ADTRP: variants seen among roughly 807,000 people sequenced by gnomAD.
ADTRP encodes the protein androgen dependent TFPI regulating protein, also known as androgen-dependent TFPI-regulating protein.
In ADTRP, 20 loss-of-function variants were observed where a neutral mutation model predicts 27.0. The observed-to-expected ratio is 0.74, with a 90% confidence interval of 0.52 to 1.08. The LOEUF (loss-of-function observed/expected upper bound fraction) is 1.08. Among genes scored for constraint, ADTRP ranks in the 50% least tolerant of loss-of-function variants. The pLI, the probability that ADTRP is intolerant of heterozygous loss-of-function variation, is 0.00. For missense variants in ADTRP, 251 were observed against 275.0 expected, an observed-to-expected ratio of 0.91 and a Z score of 0.62; for synonymous variants, 101 against 105.2, an observed-to-expected ratio of 0.96 and a Z score of 0.25.
chr6:11,731,395 C>T (rs1762374930), intron 4 of ADTRP, among the ~76,000 whole-genome samples: 1 of 152,182 alleles, frequency 6.6e-6, no homozygotes, highest in Non-Finnish European at 1.5e-5. Context: ...ATACTGCTCA[C>T]CCTTGCTTCC....
At chr6:11,715,648 CTTTTTT>C (rs55815652) in intron 5 of ADTRP, among the ~76,000 whole-genome samples, 57,164 of 121,298 alleles carry the variant, frequency 0.47, 13,203 homozygotes, top group Non-Finnish European at 0.57. Context: ...CTGTTTTTCC[CTTTTTT>C]TTTTTTTTTT....
chr6:11,760,760 TG>T (rs1219430294), intron 3 of ADTRP, among the ~76,000 whole-genome samples: 2 of 152,222 alleles, frequency 1.3e-5, no homozygotes, highest in Non-Finnish European at 2.9e-5. Context: ...CGTGCCTAAA[TG>T]GAACAATTGA....
intron 1 of ADTRP, among the ~76,000 whole-genome samples, chr6:11,768,694 C>T (rs939671639): frequency 6.6e-6 from 1 of 152,058 alleles, no homozygotes; most frequent in African/African-American, 2.4e-5. Flanking sequence ...AGATGGATAC[C>T]TTGACGGCAC....
intron 1 of ADTRP, among the ~76,000 whole-genome samples, chr6:11,769,500 A>G (rs1763694386): frequency 1.3e-5 from 2 of 152,010 alleles, no homozygotes; most frequent in Admixed American, 1.3e-4. Flanking sequence ...GAAATGCAGG[A>G]CCTCCATCCT....
intron 3 of ADTRP, among the ~76,000 whole-genome samples, chr6:11,765,920 C>T (rs1241132184): frequency 1.3e-5 from 2 of 151,402 alleles, no homozygotes; most frequent in African/African-American, 4.9e-5. Context: ...TTGGGGTGGG[C>T]TTTTTTTTTA....
chr6:11,764,298 CTATT>C (rs1365298132), intron 3 of ADTRP, among the ~76,000 whole-genome samples: 1 of 152,194 alleles, frequency 6.6e-6, no homozygotes, highest in African/African-American at 2.4e-5. Flanking sequence ...ATCATCATAA[CTATT>C]TGAAAGAAAT....
chr6:11,778,579 G>T (rs373948321), intron 1 of ADTRP, 28 bp downstream of exon 1: 15 of 1,602,328 alleles, frequency 9.4e-6, no homozygotes, highest in Admixed American at 8.4e-5. Flanking sequence ...GAAATGGATC[G>T]GTTCCTGGTA....
At chr6:11,727,388 G>C (rs1762243431) in intron 4 of ADTRP, among the ~76,000 whole-genome samples, 1 of 152,108 alleles carries the variant, frequency 6.6e-6, no homozygotes, top group African/African-American at 2.4e-5. Flanking sequence ...TACCTGCATG[G>C]CTACTTCTCA....
At chr6:11,720,830 G>C (rs994226478) in intron 5 of ADTRP, among the ~76,000 whole-genome samples, 5 of 152,002 alleles carry the variant, frequency 3.3e-5, no homozygotes, top group Non-Finnish European at 5.9e-5. Context: ...TAAACTCCCT[G>C]CCCAATACTC....
At position 11,754,780 on chromosome 6, in the gene ADTRP, G is replaced by A. The variant is rs553182014; in HGVS notation, c.390+11494C>T. Among the ~76,000 whole-genome samples the A allele has an allele frequency of 3.8e-4, 58 of 152,304 alleles. 1 individual carries two copies. Among genetic ancestry groups the A allele is most frequent in the Admixed American group, 9.1e-4 (14 of 15,302 alleles). ...AGGACGGAACTCCACAGCCTACAGCGTGTCTGCCTCTGGGGTTATTAAGCA... is the reference window on the plus strand; with the variant it reads ...AGGACGGAACTCCACAGCCTACAGCATGTCTGCCTCTGGGGTTATTAAGCA... On this transcript the variant is annotated intron_variant, in intron 3 of 5. Transcript: ENST00000414691.
chr6:11,747,154 T>C (rs1055410762), intron 3 of ADTRP, among the ~76,000 whole-genome samples: 9 of 152,216 alleles, frequency 5.9e-5, no homozygotes, highest in African/African-American at 1.7e-4. Flanking sequence ...TTCCTTATCA[T>C]GGTCTTCTCA....
intron 2 of ADTRP, among the ~76,000 whole-genome samples, chr6:11,768,014 G>A (rs1020074764): frequency 1.3e-5 from 2 of 152,186 alleles, no homozygotes; most frequent in African/African-American, 4.8e-5. Flanking sequence ...ACGGCAATAA[G>A]GACCTTGTAC....
At chr6:11,760,628 T>C (rs1353692394) in intron 3 of ADTRP, among the ~76,000 whole-genome samples, 2 of 152,186 alleles carry the variant, frequency 1.3e-5, no homozygotes, top group East Asian at 3.8e-4. Flanking sequence ...ATAATGAAGA[T>C]AATCAGATGT....
At chr6:11,737,320 C>T (rs1275757403) in intron 3 of ADTRP, among the ~76,000 whole-genome samples, 2 of 152,150 alleles carry the variant, frequency 1.3e-5, no homozygotes, top group Non-Finnish European at 2.9e-5. Context: ...CACCTGCAAG[C>T]TCCCGCCCCA....
chr6:11,740,585 C>T (rs971146413), intron 3 of ADTRP, among the ~76,000 whole-genome samples: 9 of 152,216 alleles, frequency 5.9e-5, no homozygotes, highest in South Asian at 4.1e-4. Flanking sequence ...AAATTGCATG[C>T]GATAAAGGCA....
At chr6:11,735,916 G>C (rs1339082261) in intron 3 of ADTRP, 2 of 429,180 alleles carry the variant, frequency 4.7e-6, no homozygotes, top group African/African-American at 4.0e-5. Flanking sequence ...CCCTCTCTCT[G>C]GTCCTGCTTA....
chr6:11,723,620 G>A (rs962998412), intron 4 of ADTRP, 120 bp from the exon 5 acceptor site: 1 of 1,140,636 alleles, frequency 8.8e-7, no homozygotes, highest in Non-Finnish European at 1.3e-6. Flanking sequence ...AGGGACGTTT[G>A]TCAACAGCTG....
intron 1 of ADTRP, among the ~76,000 whole-genome samples, chr6:11,771,862 C>A (rs983912860): frequency 1.3e-5 from 2 of 152,164 alleles, no homozygotes; most frequent in African/African-American, 4.8e-5. Context: ...GAGAAGGCGG[C>A]CATCTGCAAG....
chr6:11,773,050 G>C (rs1432326706), intron 1 of ADTRP, among the ~76,000 whole-genome samples: 1 of 152,212 alleles, frequency 6.6e-6, no homozygotes, highest in Non-Finnish European at 1.5e-5. Flanking sequence ...TGATGGGATG[G>C]CCTCATGCCT....
Sources: allele counts gnomAD v4.1 joint callset (sites outside exome capture counted in the v4.1 genomes callset), GRCh38; gene constraint gnomAD v4.1.1; transcripts MANE v1.5; gene names NCBI Gene and HGNC (gene_info 2026-07-23, HGNC 2026-07-21).